PITPNM2: variants seen among roughly 807,000 people sequenced by gnomAD.
PITPNM2 encodes membrane-associated phosphatidylinositol transfer protein 2.
A neutral mutation model predicts 132.2 loss-of-function variants in PITPNM2; 35 were observed. The observed-to-expected ratio is 0.26, with a 90% CI of 0.20 to 0.35. The LOEUF is 0.35. Ranked by LOEUF, PITPNM2 falls within the 10% of genes least tolerant of loss-of-function variation. PITPNM2 has a pLI of 1.00. For synonymous variants in PITPNM2, 738 were observed against 799.2 expected (o/e 0.92, Z 1.29); for missense variants, 1,332 against 1,912.0 (o/e 0.70, Z 5.66).
At chr12:123,098,827 C>T (rs2042478102) in intron 2 of PITPNM2, among the ~76,000 whole-genome samples, 1 of 152,142 alleles carries the variant, frequency 6.6e-6, no homozygotes, top group South Asian at 2.1e-4. Flanking sequence ...GCCCAATCTC[C>T]ATCCTGCCAG....
chr12:123,141,825 G>A (rs1052852725), intron 1 of PITPNM2, among the ~76,000 whole-genome samples: 3 of 152,124 alleles, frequency 2.0e-5, no homozygotes, highest in Admixed American at 2.0e-4. Context: ...ACCCAGCCCT[G>A]TGATCTCAGG....
intron 1 of PITPNM2, among the ~76,000 whole-genome samples, chr12:123,148,676 G>C (rs1443820826): frequency 6.6e-6 from 1 of 152,106 alleles, no homozygotes; most frequent in Non-Finnish European, 1.5e-5. Flanking sequence ...TGGTGATCTA[G>C]GCCAACCCTC....
At chr12:122,987,132 G>A (rs564683214) in intron 23 of PITPNM2, 149 bp downstream of exon 23, 2 of 1,153,624 alleles carry the variant, frequency 1.7e-6, no homozygotes, top group Non-Finnish European at 2.4e-6. Flanking sequence ...AATTGGGGGT[G>A]CTGGGCTCTG....
Position 123,058,652 on chromosome 12 carries a change from G to A in PITPNM2, c.-95-23967C>T, listed in dbSNP as rs1044691641. On this transcript the variant is annotated intron_variant, in intron 2 of 25. Coordinates refer to ENST00000320201, the MANE Select transcript of PITPNM2 (RefSeq NM_020845.3). The surrounding 1 kb of genome is among the most constrained non-coding windows in gnomAD (Gnocchi z 4.0). ...GAGCAGCACCTGCCTCTTACACCTC[G>A]GCCCCAAGCACTGCAGAAGCTGGTA... is the stretch of plus-strand genomic sequence containing the variant. 6.6e-6 allele frequency among the ~76,000 whole-genome samples: 1 copy of A among 152,006 alleles called. No individual in the cohort carries two copies. Among genetic ancestry groups the A allele is most frequent in the South Asian group, 2.1e-4 (1 of 4,808 alleles).
chr12:123,104,698 C>T (rs938174824), intron 2 of PITPNM2, among the ~76,000 whole-genome samples: 1 of 152,114 alleles, frequency 6.6e-6, no homozygotes, highest in Non-Finnish European at 1.5e-5. Flanking sequence ...TCTCCCTTCG[C>T]TGACTCTCTT....
In PITPNM2 at chr12:123,034,607, T is replaced by C; in HGVS notation, c.-17A>G. 1.2e-6 allele frequency: 2 copies of C among 1,612,708 alleles called. No individual in the cohort carries two copies. The highest frequency in any genetic ancestry group is 1.7e-6 in the Non-Finnish European group (2 of 1,178,672). ...TATAATCATCTTGGAGTCCAAGCCT[T>C]CCCGTCGATGGGGAACTGCAAGTTG... On this transcript the variant is annotated 5_prime_UTR_variant, in exon 3 of 26. Transcript: ENST00000320201.
At chr12:123,126,515 A>G (rs1163219544) in intron 1 of PITPNM2, among the ~76,000 whole-genome samples, 4 of 152,194 alleles carry the variant, frequency 2.6e-5, no homozygotes, top group Non-Finnish European at 5.9e-5. Context: ...TGGTCATGCA[A>G]ACCACTATGG....
chr12:123,131,714 G>A (rs866994774), intron 1 of PITPNM2, among the ~76,000 whole-genome samples: 33 of 152,320 alleles, frequency 2.2e-4, no homozygotes, highest in South Asian at 6.2e-4. Flanking sequence ...CCCTTCCAGA[G>A]CAGCTCCTAG....
At position 123,106,990 on chromosome 12, in the gene PITPNM2, A is replaced by G. The variant is rs899971477; in HGVS notation, c.-96+3395T>C. On this transcript the variant is annotated intron_variant, in intron 2 of 25. Coordinates refer to ENST00000320201, the MANE Select transcript of PITPNM2 (RefSeq NM_020845.3). The surrounding 1 kb of genome is among the most constrained non-coding windows in gnomAD (Gnocchi z 4.4). Reference sequence around the variant, plus strand: ...GGCTCTGCTGCTGCTACGGATGGAGATAAGTCCCTTCTTCACCTGGGATGG... The same window carrying G: ...GGCTCTGCTGCTGCTACGGATGGAGGTAAGTCCCTTCTTCACCTGGGATGG... Among the ~76,000 whole-genome samples, 1 of 152,162 alleles carries G rather than the reference A, an allele frequency of 6.6e-6. No individual in the cohort carries two copies. Among genetic ancestry groups the G allele is most frequent in the African/African-American group, 2.4e-5 (1 of 41,426 alleles).
At chr12:123,014,938 A>C (rs2136272648) in intron 3 of PITPNM2, among the ~76,000 whole-genome samples, 2 of 152,340 alleles carry the variant, frequency 1.3e-5, no homozygotes, top group Middle Eastern at 6.8e-3. Context: ...TTCCATTTAT[A>C]ATAGCCTCTG....
At chr12:122,995,906 G>A (rs1010072455) in intron 13 of PITPNM2, among the ~76,000 whole-genome samples, 3 of 152,130 alleles carry the variant, frequency 2.0e-5, no homozygotes, top group Non-Finnish European at 2.9e-5. Flanking sequence ...GAGAGGGGTC[G>A]CCCATCCCAC....
intron 2 of PITPNM2, among the ~76,000 whole-genome samples, chr12:123,098,508 G>A (rs2042468233): frequency 6.6e-6 from 1 of 152,042 alleles, no homozygotes; most frequent in East Asian, 1.9e-4. Context: ...TCAAGACCAG[G>A]CTGGGCAACA....
chr12:123,147,262 T>C (rs991428177), intron 1 of PITPNM2, among the ~76,000 whole-genome samples: 1 of 152,230 alleles, frequency 6.6e-6, no homozygotes, highest in African/African-American at 2.4e-5. Context: ...TTGTTCCCCA[T>C]GGACTCATCT....
At chr12:123,039,438 CTG>C (rs2040383385) in intron 2 of PITPNM2, among the ~76,000 whole-genome samples, 1 of 152,150 alleles carries the variant, frequency 6.6e-6, no homozygotes, top group Non-Finnish European at 1.5e-5. Context: ...AACCTCAACA[CTG>C]TACACAAATG....
chr12:122,986,359 T>C lies in PITPNM2; in HGVS notation c.3727-9A>G. ...TAGCCATCCGTGATGAACTGCGGGG[T>C]CAGTGAGGACGGCTGTCACAGGCTG... On this transcript the variant is annotated splice_polypyrimidine_tract_variant and intron_variant, in intron 25 of 25. Coordinates refer to ENST00000320201, the MANE Select transcript of PITPNM2 (RefSeq NM_020845.3). 1 of 1,582,274 alleles carries C rather than the reference T, an allele frequency of 6.3e-7. No individual in the cohort carries two copies. Among genetic ancestry groups the C allele is most frequent in the East Asian group, 2.3e-5 (1 of 43,894 alleles).
chr12:123,115,111 C>T (rs1330986199), intron 1 of PITPNM2, among the ~76,000 whole-genome samples: 3 of 152,186 alleles, frequency 2.0e-5, no homozygotes, highest in African/African-American at 7.2e-5. Flanking sequence ...CCAAGAACAG[C>T]TCTGAACCCT....
Position 123,013,977 on chromosome 12 carries a change from G to T in PITPNM2, c.144C>A (p.Tyr48Ter). 2 of 1,614,254 alleles carry T rather than the reference G, an allele frequency of 1.2e-6. No homozygotes were observed. Among genetic ancestry groups the T allele is most frequent in the Non-Finnish European group, 1.7e-6 (2 of 1,180,046 alleles). ...SGVEILENRP[Y>*]TDGPGGSGQY... Reference sequence around the variant, plus strand: ...GCCCAGAGCCGCCTGGGCCATCTGTGTACGGCCGGTTCTCCAGGATCTCCA... The same window carrying T: ...GCCCAGAGCCGCCTGGGCCATCTGTTTACGGCCGGTTCTCCAGGATCTCCA... The change falls in exon 4 of 26, where the codon TAC becomes TAA. Residue 48 changes from tyrosine (Y) to a stop codon, truncating the protein, a stop_gained. Transcript: ENST00000320201. LOFTEE classifies it high-confidence loss of function.
rs767770470 is a variant in PITPNM2 at position 122,994,914 on chromosome 12, T to C, written c.2120A>G (p.Asp707Gly). The C allele has an allele frequency of 1.2e-6, 2 of 1,612,096 alleles. No homozygotes were observed. Among genetic ancestry groups the C allele is most frequent in the South Asian group, 2.2e-5 (2 of 90,908 alleles). Residue 707 changes from aspartate to glycine, a missense_variant, in exon 15 of 26, where the codon GAT (aspartate) becomes GGT (glycine). By Grantham distance (94) the Asp-to-Gly change is moderately conservative (BLOSUM62 -1). Transcript: ENST00000320201. This position sits in a 1 kb window ranked among gnomAD's most constrained non-coding sequence, Gnocchi z 5.4. ...AAACCTGCCCAGGGCACCTGTGCCA[T>C]CCAGCATGGTGGAGCTGCTGGAATG... ...SRHSSSSTML[D>G]GTGALGRFDF... is the part of the protein sequence containing the mutation.
At chr12:122,996,603 G>A (rs748589056) in intron 12 of PITPNM2, 26 bp from the exon 13 acceptor site, 12 of 1,612,918 alleles carry the variant, frequency 7.4e-6, no homozygotes, top group Non-Finnish European at 1.0e-5. Context: ...CCAGAGGCCT[G>A]AGCCATTCAC....
Sources: gnomAD v4.1 joint callset for allele counts (sites outside exome capture counted in the v4.1 genomes callset) on GRCh38, gnomAD v4.1.1 for gene constraint, Gnocchi (gnomAD v3.1) non-coding constraint, MANE v1.5 for transcripts, NCBI Gene and HGNC (gene_info 2026-07-23, HGNC 2026-07-21) for gene names.